The following HIPK2 variants were observed in gnomAD, a reference collection of about 807,000 sequenced individuals.
HIPK2 encodes homeodomain-interacting protein kinase 2.
Under a neutral mutation model 113.7 loss-of-function variants are expected in HIPK2, and 27 were observed. The ratio of observed to expected loss-of-function variants is 0.24; its 90% CI spans 0.17 to 0.33. The LOEUF (loss-of-function observed/expected upper bound fraction) is 0.33. Among genes scored for constraint, HIPK2 ranks in the 10% least tolerant of loss-of-function variants. The pLI is 1.00. For synonymous variants in HIPK2, 631 were observed against 642.2 expected (o/e 0.98, Z 0.26); for missense variants, 1,257 against 1,588.0 (o/e 0.79, Z 3.54).
In HIPK2 at chr7:139,631,019, C is replaced by T; in HGVS notation, c.1347+146G>A. ...AGGGAAAGAGGGGCTTCTGAGCATT[C>T]AGATTCAGCCATACCATGTATTAAC... On this transcript the variant is annotated intron_variant, in intron 4 of 14. Coordinates refer to ENST00000406875, the MANE Select transcript of HIPK2 (RefSeq NM_022740.5). The surrounding 1 kb of genome is among the most constrained non-coding windows in gnomAD (Gnocchi z 4.9). 1.8e-6 allele frequency: 2 copies of T among 1,095,784 alleles called. No individual in the cohort carries two copies. Among genetic ancestry groups the T allele is most frequent in the Non-Finnish European group, 2.5e-6 (2 of 791,410 alleles). The allele number at this position is 1,095,784 out of a possible 1,614,324, so 67.9% of individuals were successfully genotyped here.
rs115110703 is a variant in HIPK2 at position 139,683,996 on chromosome 7, G to C, written c.1103+31936C>G. Among the ~76,000 whole-genome samples, 1 of 151,374 alleles carries C rather than the reference G, an allele frequency of 6.6e-6. No homozygotes were observed. The highest frequency in any genetic ancestry group is 2.1e-4 in the South Asian group (1 of 4,794). The stretch of plus-strand genomic sequence containing the variant: ...CACAAATTGAAGGTTTGTGGCAACC[G>C]TGCATCGAGCCGGTCTATCAGTACC... On this transcript the variant is annotated intron_variant, in intron 2 of 14. Coordinates refer to ENST00000406875, the MANE Select transcript of HIPK2 (RefSeq NM_022740.5). The surrounding 1 kb of genome is among the most constrained non-coding windows in gnomAD (Gnocchi z 4.2).
rs1471599856 is a variant in HIPK2, at chr7:139,651,222, C to T, written c.1104-19497G>A. On this transcript the variant is annotated intron_variant, in intron 2 of 14. Transcript: ENST00000406875. ...AAGCACTTTCTAAAAAGGTAGGAGGCACAAGGAAAACACAGCCTGAGGAGG... is the reference window on the plus strand; with the variant it reads ...AAGCACTTTCTAAAAAGGTAGGAGGTACAAGGAAAACACAGCCTGAGGAGG... 7.2e-5 allele frequency among the ~76,000 whole-genome samples: 11 copies of T among 152,078 alleles called. No individual in the cohort carries two copies. The East Asian group carries it at 2.1e-3, about 29-fold the overall frequency.
intron 13 of HIPK2, among the ~76,000 whole-genome samples, chr7:139,577,299 G>C (rs1490042894): frequency 6.6e-6 from 1 of 151,698 alleles, no homozygotes; most frequent in African/African-American, 2.4e-5. Flanking sequence ...CAGGCACCCG[G>C]CACCACGCCT....
intron 1 of HIPK2, among the ~76,000 whole-genome samples, chr7:139,719,750 T>C (rs1040841638): frequency 6.6e-5 from 10 of 152,238 alleles, no homozygotes; most frequent in African/African-American, 2.4e-4. Flanking sequence ...GCCTTATTAA[T>C]TTCTCCTTCC....
chr7:139,629,834 A>C (rs1029986317), intron 4 of HIPK2, among the ~76,000 whole-genome samples: 1 of 151,446 alleles, frequency 6.6e-6, no homozygotes, highest in African/African-American at 2.5e-5. Flanking sequence ...AAAACACAAC[A>C]GCAAACTCCA....
In HIPK2 at chr7:139,682,355, C is replaced by T. The variant is rs113247757; in HGVS notation, c.1103+33577G>A. Among the ~76,000 whole-genome samples, 1,173 of 152,318 alleles carry T rather than the reference C, an allele frequency of 7.7e-3. 9 individuals carry two copies. Among genetic ancestry groups the T allele is most frequent in the Non-Finnish European group, 0.012 (845 of 68,024 alleles). On this transcript the variant is annotated intron_variant, in intron 2 of 14. Transcript: ENST00000406875. ...AAAACCCATCTCTAGCCTCAAGAAA[C>T]TCATCCATGAGCAGGGGTAGCCAGA... is the stretch of plus-strand genomic sequence containing the variant.
At chr7:139,619,046 T>C (rs1216927261) in intron 7 of HIPK2, among the ~76,000 whole-genome samples, 1 of 152,112 alleles carries the variant, frequency 6.6e-6, no homozygotes, top group Non-Finnish European at 1.5e-5. Context: ...GCTTCAAGAA[T>C]GCAAACGGCC....
At chr7:139,696,922 G>C (rs1794584077) in intron 2 of HIPK2, among the ~76,000 whole-genome samples, 1 of 152,154 alleles carries the variant, frequency 6.6e-6, no homozygotes, top group South Asian at 2.1e-4. Context: ...ACAGCATTAT[G>C]ATCCCCAGTT....
At chr7:139,595,715 T>C (rs927822133) in intron 12 of HIPK2, among the ~76,000 whole-genome samples, 2 of 152,204 alleles carry the variant, frequency 1.3e-5, no homozygotes, top group Non-Finnish European at 2.9e-5. Flanking sequence ...ATAGTTATAA[T>C]GAGAATGTTT....
intron 2 of HIPK2, among the ~76,000 whole-genome samples, chr7:139,642,534 CACAGGATGA>C (rs1443126795): frequency 6.6e-6 from 1 of 152,160 alleles, no homozygotes; most frequent in African/African-American, 2.4e-5. Context: ...GCAGCCTCCC[CACAGGATGA>C]ATCCACACCA....
Position 139,583,893 on chromosome 7 carries a change from G to A in HIPK2, c.2889C>T (p.Asn963=). Residue 963 remains asparagine, a synonymous_variant, in exon 13 of 15, where the codon AAC becomes AAT. Coordinates refer to ENST00000406875, the MANE Select transcript of HIPK2 (RefSeq NM_022740.5). ...GGGGTGGCACGATGATGGTTCGGGG[G>A]TTCCCCGTGCAGTGATTCTCCAGGC... ...KGSLENHCTG[N]PRTIIVPPLK... 2 of 1,613,886 alleles carry A rather than the reference G, an allele frequency of 1.2e-6. No homozygotes were observed.
At chr7:139,671,879 G>T (rs2116642974) in intron 2 of HIPK2, among the ~76,000 whole-genome samples, 1 of 152,262 alleles carries the variant, frequency 6.6e-6, no homozygotes, top group East Asian at 1.9e-4. Context: ...TGACTTTAAT[G>T]CATTTATGAG....
At chr7:139,730,941 G>A (rs1795759546) in intron 1 of HIPK2, among the ~76,000 whole-genome samples, 1 of 152,148 alleles carries the variant, frequency 6.6e-6, no homozygotes, top group African/African-American at 2.4e-5. Flanking sequence ...GGGATGCCCA[G>A]CATTGTTGGG....
chr7:139,750,900 C>T (rs1171099025), intron 1 of HIPK2, among the ~76,000 whole-genome samples: 1 of 152,142 alleles, frequency 6.6e-6, no homozygotes, highest in Admixed American at 6.5e-5. Flanking sequence ...ATGACCGCAG[C>T]GACCACATTT....
chr7:139,645,910 G>T (rs978082136), intron 2 of HIPK2, among the ~76,000 whole-genome samples: 3 of 152,138 alleles, frequency 2.0e-5, no homozygotes, highest in African/African-American at 7.2e-5. Context: ...GGAACAAGAA[G>T]ATCTTGCCAA....
intron 12 of HIPK2, among the ~76,000 whole-genome samples, chr7:139,588,974 T>A (rs764884518): frequency 2.2e-4 from 33 of 152,226 alleles, no homozygotes; most frequent in Non-Finnish European, 3.8e-4. Context: ...TCCTGAATGA[T>A]GAACATGCCT....
At chr7:139,587,488 C>CAAAAAA (rs1213368741) in intron 12 of HIPK2, among the ~76,000 whole-genome samples, 53 of 43,880 alleles carry the variant, frequency 1.2e-3, no homozygotes, top group East Asian at 2.0e-3. Flanking sequence ...GACTGTGTCT[C>CAAAAAA]AAAAAAAAAA....
rs555480351 is a variant in HIPK2 at position 139,679,897 on chromosome 7, A to T, written c.1103+36035T>A. On this transcript the variant is annotated intron_variant, in intron 2 of 14. Coordinates refer to ENST00000406875, the MANE Select transcript of HIPK2 (RefSeq NM_022740.5). ...TCTCAGAAGTAGAACATTTAGCTTA[A>T]AATAAATATTTAACATCTAGGATGC... is the stretch of plus-strand genomic sequence containing the variant. Among the ~76,000 whole-genome samples the T allele has an allele frequency of 3.2e-4, 48 of 152,066 alleles. No individual in the cohort carries two copies. The South Asian group carries it at 9.2e-3, about 29-fold the overall frequency.
chr7:139,574,441 C>T (rs1035580091), intron 14 of HIPK2, among the ~76,000 whole-genome samples: 1 of 152,302 alleles, frequency 6.6e-6, no homozygotes, highest in Non-Finnish European at 1.5e-5. Context: ...ATAAAATAGC[C>T]CTCTTCTACC....
Sources: allele counts gnomAD v4.1 joint callset (sites outside exome capture counted in the v4.1 genomes callset), GRCh38; gene constraint gnomAD v4.1.1; non-coding constraint Gnocchi (gnomAD v3.1); transcripts MANE v1.5; gene names NCBI Gene and HGNC (gene_info 2026-07-23, HGNC 2026-07-21).